UNC13C: variants seen among roughly 807,000 people sequenced by gnomAD.
UNC13C encodes the protein unc-13 homolog C, also known as protein unc-13 homolog C.
In UNC13C, 174 loss-of-function variants were observed where a neutral mutation model predicts 245.4. The observed-to-expected ratio is 0.71, with a 90% CI of 0.63 to 0.80. UNC13C has a LOEUF of 0.80. Ranked by LOEUF, UNC13C falls within the 30% of genes least tolerant of loss-of-function variation. UNC13C has a pLI of 0.00. For missense variants in UNC13C, 2,829 were observed against 2,602.9 expected, an observed-to-expected ratio of 1.09 and a Z score of -1.89; for synonymous variants, 992 against 895.1, an observed-to-expected ratio of 1.11 and a Z score of -1.93.
chr15:54,346,879 G>A (rs2038871352), intron 17 of UNC13C, among the ~76,000 whole-genome samples: 1 of 152,100 alleles, frequency 6.6e-6, no homozygotes, highest in Non-Finnish European at 1.5e-5. Context: ...TATATGCCAG[G>A]CACTGGTGTA....
intron 4 of UNC13C, among the ~76,000 whole-genome samples, chr15:54,162,238 T>C (rs1434308749): frequency 1.3e-5 from 2 of 152,188 alleles, no homozygotes; most frequent in African/African-American, 4.8e-5. Flanking sequence ...AGTGACTAGA[T>C]ATAATCCCCA....
intron 30 of UNC13C, among the ~76,000 whole-genome samples, chr15:54,597,718 A>C (rs1329988974): frequency 6.6e-6 from 1 of 152,236 alleles, no homozygotes; most frequent in Non-Finnish European, 1.5e-5. Context: ...GTATTAACAC[A>C]TAGTATCAGA....
chr15:54,195,305 A>T (rs566584149), intron 4 of UNC13C, among the ~76,000 whole-genome samples: 6 of 152,348 alleles, frequency 3.9e-5, no homozygotes, highest in Non-Finnish European at 7.3e-5. Context: ...GATAAAATGT[A>T]TGCTGAGAGA....
At chr15:53,853,331 T>C in the UNC13C span, among the ~76,000 whole-genome samples, 31 of 152,230 alleles carry the variant, frequency 2.0e-4, no homozygotes, top group Non-Finnish European at 3.8e-4. Context: ...AAAGACATGA[T>C]CTTGTTTATT....
chr15:54,626,327 T>G (rs189876116), intron 32 of UNC13C, among the ~76,000 whole-genome samples: 8 of 152,256 alleles, frequency 5.3e-5, no homozygotes, highest in Admixed American at 2.0e-4. Context: ...GTATCCAATT[T>G]AGCATATTGT....
chr15:54,389,863 GGAC>G (rs1308750204), intron 17 of UNC13C, among the ~76,000 whole-genome samples: 4 of 152,032 alleles, frequency 2.6e-5, no homozygotes, highest in African/African-American at 9.7e-5. Flanking sequence ...CAAGTAGCCG[GGAC>G]TACAGGCATG....
In UNC13C at chr15:54,232,689, A is replaced by G. The variant is rs370710858; in HGVS notation, c.3072-2341A>G. ...CATAGCTATGAAAGTTGCATTATTT[A>G]GAAGTCAAAACATTTCAAAATACTT... On this transcript the variant is annotated intron_variant, in intron 4 of 32. Transcript: ENST00000260323. Among the ~76,000 whole-genome samples, 16 of 152,182 alleles carry G rather than the reference A, an allele frequency of 1.1e-4. No homozygotes were observed. The East Asian group carries it at 1.5e-3, about 15-fold the overall frequency.
chr15:54,387,186 T>A (rs984791694), intron 17 of UNC13C, among the ~76,000 whole-genome samples: 4 of 152,038 alleles, frequency 2.6e-5, no homozygotes, highest in African/African-American at 9.7e-5. Flanking sequence ...AGCAACAGAG[T>A]ACAGGAAAAT....
chr15:53,999,960 A>G (rs1427071669), intron 1 of UNC13C, among the ~76,000 whole-genome samples: 2 of 152,042 alleles, frequency 1.3e-5, no homozygotes, highest in Non-Finnish European at 2.9e-5. Context: ...AAGGACCAGT[A>G]TGTGTCTTGG....
At chr15:54,519,289 G>A (rs746084285) in intron 24 of UNC13C, among the ~76,000 whole-genome samples, 83 of 152,130 alleles carry the variant, frequency 5.5e-4, no homozygotes, top group Non-Finnish European at 9.4e-4. Flanking sequence ...TATAAAGCCT[G>A]AAGGTGTAAT....
intron 30 of UNC13C, among the ~76,000 whole-genome samples, chr15:54,596,066 C>T (rs1028648832): frequency 1.3e-5 from 2 of 151,892 alleles, no homozygotes; most frequent in Non-Finnish European, 2.9e-5. Flanking sequence ...TTTAACGAAG[C>T]TTATTGGTAT....
At chr15:54,332,581 A>C (rs972260232) in intron 15 of UNC13C, among the ~76,000 whole-genome samples, 3 of 151,988 alleles carry the variant, frequency 2.0e-5, no homozygotes, top group African/African-American at 7.2e-5. Context: ...AAAGCTGCCC[A>C]GAATTCATTG....
At chr15:54,203,441 T>C (rs566385329) in intron 4 of UNC13C, among the ~76,000 whole-genome samples, 34 of 149,374 alleles carry the variant, frequency 2.3e-4, no homozygotes, top group Non-Finnish European at 4.0e-4. Flanking sequence ...CCAACAATCA[T>C]GAGTGGATAA....
At chr15:54,570,978 G>T (rs1897729737) in intron 30 of UNC13C, among the ~76,000 whole-genome samples, 1 of 152,128 alleles carries the variant, frequency 6.6e-6, no homozygotes, top group South Asian at 2.1e-4. Flanking sequence ...TTTGACACTG[G>T]ACATGCTGAA....
chr15:53,949,185 C>T, the UNC13C span, among the ~76,000 whole-genome samples: 9 of 152,176 alleles, frequency 5.9e-5, no homozygotes, highest in Admixed American at 6.5e-5. Flanking sequence ...GTTGTTCACT[C>T]TTCGTGCAGT....
At chr15:54,195,548 A>G (rs532926119) in intron 4 of UNC13C, among the ~76,000 whole-genome samples, 2 of 152,244 alleles carry the variant, frequency 1.3e-5, no homozygotes, top group East Asian at 3.9e-4. Flanking sequence ...CCATAGATAG[A>G]CAATGAATAC....
At chr15:53,902,031 G>A in the UNC13C span, among the ~76,000 whole-genome samples, 1 of 148,788 alleles carries the variant, frequency 6.7e-6, no homozygotes, top group Non-Finnish European at 1.5e-5. Context: ...CACCACATGT[G>A]CATTAGTTTT....
chr15:54,040,943 C>T (rs1393691984), intron 2 of UNC13C, among the ~76,000 whole-genome samples: 2 of 152,214 alleles, frequency 1.3e-5, no homozygotes, highest in Non-Finnish European at 2.9e-5. Context: ...TGCACCAACC[C>T]AGCATACCCA....
At chr15:54,415,589 C>T (rs1386262915) in intron 19 of UNC13C, among the ~76,000 whole-genome samples, 1 of 152,144 alleles carries the variant, frequency 6.6e-6, no homozygotes, top group African/African-American at 2.4e-5. Context: ...TTTGTGCACC[C>T]TCATTGTGTT....
Sources: gnomAD v4.1 joint callset for allele counts (sites outside exome capture counted in the v4.1 genomes callset) on GRCh38, gnomAD v4.1.1 for gene constraint, MANE v1.5 for transcripts, NCBI Gene and HGNC (gene_info 2026-07-23, HGNC 2026-07-21) for gene names.